OSBPL8: variants seen among roughly 807,000 people sequenced by gnomAD.
OSBPL8 encodes oxysterol-binding protein-related protein 8.
A neutral mutation model predicts 125.5 loss-of-function variants in OSBPL8; 59 were observed. That is an observed-to-expected ratio of 0.47 (90% CI 0.38 to 0.58). OSBPL8 has a LOEUF of 0.58. Among genes scored for constraint, OSBPL8 ranks in the 20% least tolerant of loss-of-function variants. The pLI is 0.00. For synonymous variants in OSBPL8, 330 were observed against 338.9 expected (o/e 0.97, Z 0.29); for missense variants, 758 against 1,047.8 (o/e 0.72, Z 3.82).
At chr12:76,419,651 A>G (rs944426376) in intron 4 of OSBPL8, among the ~76,000 whole-genome samples, 2 of 152,208 alleles carry the variant, frequency 1.3e-5, no homozygotes, top group Admixed American at 6.5e-5. Flanking sequence ...AAAAGAAAAA[A>G]ACATAGTAAT....
chr12:76,501,953 A>G (rs555231246), intron 1 of OSBPL8, among the ~76,000 whole-genome samples: 3 of 152,248 alleles, frequency 2.0e-5, no homozygotes, highest in Non-Finnish European at 4.4e-5. Context: ...AGTAATACAT[A>G]CAGCATTGCT....
intron 3 of OSBPL8, among the ~76,000 whole-genome samples, chr12:76,456,903 G>A (rs1410048780): frequency 6.6e-6 from 1 of 152,182 alleles, no homozygotes; most frequent in Non-Finnish European, 1.5e-5. Flanking sequence ...AACCACAGCT[G>A]CAGACCTCAA....
chr12:76,490,332 G>GA, intron 1 of OSBPL8, among the ~76,000 whole-genome samples: 1 of 152,266 alleles, frequency 6.6e-6, no homozygotes, highest in Admixed American at 6.5e-5. Flanking sequence ...TTTCCGGCTC[G>GA]AATGTTGCCT....
chr12:76,451,658 C>T (rs1404135208), intron 3 of OSBPL8, among the ~76,000 whole-genome samples: 1 of 152,188 alleles, frequency 6.6e-6, no homozygotes, highest in Non-Finnish European at 1.5e-5. Flanking sequence ...AGTTGCTTCT[C>T]ACCCATTTGG....
At chr12:76,496,961 G>A (rs1305186103) in intron 1 of OSBPL8, among the ~76,000 whole-genome samples, 1 of 151,900 alleles carries the variant, frequency 6.6e-6, no homozygotes, top group Admixed American at 6.5e-5. Context: ...TTACAGACAT[G>A]AGCCACCACG....
chr12:76,464,218 A>G (rs1875097558), intron 2 of OSBPL8, among the ~76,000 whole-genome samples: 1 of 152,170 alleles, frequency 6.6e-6, no homozygotes, highest in Non-Finnish European at 1.5e-5. Flanking sequence ...GCAGTGTACC[A>G]CGATCCATGA....
chr12:76,556,155 T>A (rs1227355494), intron 1 of OSBPL8, among the ~76,000 whole-genome samples: 2 of 152,220 alleles, frequency 1.3e-5, no homozygotes, highest in Admixed American at 1.3e-4. Context: ...CAGTCATATA[T>A]CTGGAAGTAG....
At chr12:76,503,925 T>G (rs1347279563) in intron 1 of OSBPL8, among the ~76,000 whole-genome samples, 3 of 152,104 alleles carry the variant, frequency 2.0e-5, no homozygotes, top group Admixed American at 6.5e-5. Flanking sequence ...TATGTGTCAA[T>G]TTGGCTAAGC....
At chr12:76,486,585 A>G (rs1878158725) in intron 2 of OSBPL8, among the ~76,000 whole-genome samples, 1 of 152,198 alleles carries the variant, frequency 6.6e-6, no homozygotes, top group Non-Finnish European at 1.5e-5. Flanking sequence ...CAGTGAGAAA[A>G]AAATGACAAA....
chr12:76,498,845 G>A (rs1879564744), intron 1 of OSBPL8, among the ~76,000 whole-genome samples: 1 of 149,486 alleles, frequency 6.7e-6, no homozygotes, highest in African/African-American at 2.5e-5. Context: ...TCAACCTCCA[G>A]ACTAGCTGGG....
In OSBPL8 at chr12:76,436,105, G is replaced by A. The variant is rs74103448; in HGVS notation, c.217+14746C>T. ...GAGAGAATATTGCTTATTCTAGAAC[G>A]GCAAGCCTGAATACTGGTGTCTCCA... is the stretch of plus-strand genomic sequence containing the variant. On this transcript the variant is annotated intron_variant, in intron 4 of 23. Transcript: ENST00000261183. 3.9e-5 allele frequency among the ~76,000 whole-genome samples: 6 copies of A among 152,138 alleles called. No individual in the cohort carries two copies. The East Asian group carries it at 9.7e-4, about 24-fold the overall frequency.
intron 1 of OSBPL8, among the ~76,000 whole-genome samples, chr12:76,553,606 G>A (rs933743490): frequency 6.6e-6 from 1 of 151,610 alleles, no homozygotes; most frequent in African/African-American, 2.4e-5. Flanking sequence ...CTGGGAGGTC[G>A]AGGCTGCAGT....
chr12:76,389,170 G>A (rs1953451274), intron 12 of OSBPL8, among the ~76,000 whole-genome samples: 1 of 152,098 alleles, frequency 6.6e-6, no homozygotes, highest in African/African-American at 2.4e-5. Context: ...GAAAAGCAAA[G>A]AAAATAAGGA....
intron 2 of OSBPL8, among the ~76,000 whole-genome samples, chr12:76,469,075 GAA>G (rs1186546438): frequency 1.3e-5 from 2 of 152,102 alleles, no homozygotes; most frequent in Non-Finnish European, 2.9e-5. Flanking sequence ...CTCCTTTTCT[GAA>G]AACTCTGTCC....
In OSBPL8 at chr12:76,355,166, A is replaced by G. The variant is rs1951937245; in HGVS notation, c.*723T>C. The G allele has an allele frequency of 6.6e-6, 1 of 152,500 alleles. No homozygotes were observed. Among genetic ancestry groups the G allele is most frequent in the African/African-American group, 2.4e-5 (1 of 41,452 alleles). The allele number at this position is 152,500 out of a possible 1,614,324, so 9.4% of individuals were successfully genotyped here. A position where few individuals can be genotyped will look rare whatever the true frequency, so the allele number is the denominator to read the frequency against. On this transcript the variant is annotated 3_prime_UTR_variant, in exon 24 of 24. Coordinates refer to ENST00000261183, the MANE Select transcript of OSBPL8 (RefSeq NM_020841.5). ...AGTGCTTAAGGTGGTATTATAATCA[A>G]TCCAATTAATTGCACACCAGTGTTT...
intron 2 of OSBPL8, among the ~76,000 whole-genome samples, chr12:76,473,553 A>G (rs1207845786): frequency 9.9e-5 from 15 of 152,176 alleles, no homozygotes; most frequent in Non-Finnish European, 2.2e-4. Context: ...ATTCTAATTC[A>G]ATTGAATAGG....
chr12:76,436,907 A>G (rs1352894917), intron 4 of OSBPL8, among the ~76,000 whole-genome samples: 1 of 152,184 alleles, frequency 6.6e-6, no homozygotes, highest in Non-Finnish European at 1.5e-5. Context: ...TATTGCCTAT[A>G]ATGCATTGGT....
At chr12:76,537,365 C>T (rs1477075631) in intron 1 of OSBPL8, among the ~76,000 whole-genome samples, 2 of 152,184 alleles carry the variant, frequency 1.3e-5, no homozygotes, top group African/African-American at 4.8e-5. Flanking sequence ...TACATTTATA[C>T]ATTTAAACGT....
intron 4 of OSBPL8, among the ~76,000 whole-genome samples, chr12:76,412,963 A>G (rs1868291097): frequency 6.6e-6 from 1 of 152,168 alleles, no homozygotes; most frequent in African/African-American, 2.4e-5. Context: ...TACTTGTACT[A>G]CAGTATTTAC....
Sources: gnomAD v4.1 joint callset for allele counts (sites outside exome capture counted in the v4.1 genomes callset) on GRCh38, gnomAD v4.1.1 for gene constraint, MANE v1.5 for transcripts, NCBI Gene and HGNC (gene_info 2026-07-23, HGNC 2026-07-21) for gene names.